ADAM10: variants seen among roughly 807,000 people sequenced by gnomAD.
The protein encoded by ADAM10 is disintegrin and metalloproteinase domain-containing protein 10.
ADAM10 carries 17 observed loss-of-function variants against 90.1 expected under a neutral mutation model. That is an observed-to-expected ratio of 0.19 (90% CI 0.13 to 0.28). The LOEUF (loss-of-function observed/expected upper bound fraction) is 0.28, where lower values mean the gene tolerates loss of function less well. ADAM10 is among the 10% of genes least tolerant of loss of function. The pLI is 1.00. For synonymous variants in ADAM10, 310 were observed against 298.6 expected, an observed-to-expected ratio of 1.04 and a Z score of -0.40; for missense variants, 610 against 914.3, an observed-to-expected ratio of 0.67 and a Z score of 4.29.
In ADAM10 at chr15:58,665,191, G is replaced by A; in HGVS notation, c.491C>T (p.Pro164Leu). ...VIYHEDDINY[P>L]HKYGPQGGCA... ...GCCCCCCTGAGGACCGTATTTATGG[G>A]GATAGTCTAAAATACAAAGAAGAAA... The change falls in exon 5 of 16, where the codon CCC becomes CTC. Residue 164 changes from proline (P) to leucine (L), a missense_variant. Physicochemically the swap from Pro to Leu is moderately conservative, Grantham distance 98 (BLOSUM62 -3). Coordinates refer to ENST00000260408, the MANE Select transcript of ADAM10 (RefSeq NM_001110.4). 1 of 1,607,086 alleles carries A rather than the reference G, an allele frequency of 6.2e-7. No individual in the cohort carries two copies. Among genetic ancestry groups the A allele is most frequent in the Non-Finnish European group, 8.5e-7 (1 of 1,173,862 alleles).
chr15:58,747,657 T>C (rs1321840417), intron 1 of ADAM10: 1 of 152,226 alleles, frequency 6.6e-6, no homozygotes, highest in African/African-American at 2.4e-5. Context: ...ACTTGTCTTA[T>C]GTTTTTTGAA....
At position 58,655,717 on chromosome 15, in the gene ADAM10, A is replaced by ATATATAC. The variant is rs1566982394; in HGVS notation, c.585+9379_585+9380insGTATATA. Reference sequence around the variant, plus strand: ...TATAGTATATATATATATAGTATATATATATATATATATATATATATATTC... The same window carrying ATATATAC: ...TATAGTATATATATATATAGTATATATATATACTATATATATATATATATATATATTC... On this transcript the variant is annotated intron_variant, in intron 5 of 15. Coordinates refer to ENST00000260408, the MANE Select transcript of ADAM10 (RefSeq NM_001110.4). 1.1e-4 allele frequency among the ~76,000 whole-genome samples: 6 copies of ATATATAC among 55,458 alleles called. 1 individual carries two copies. Among genetic ancestry groups the ATATATAC allele is most frequent in the African/African-American group, 2.3e-4 (2 of 8,586 alleles). The allele number at this position is 55,458 out of a possible 152,430, so 36.4% of individuals were successfully genotyped here.
chr15:58,743,180 T>A (rs1899671167), intron 1 of ADAM10, among the ~76,000 whole-genome samples: 1 of 152,154 alleles, frequency 6.6e-6, no homozygotes, highest in South Asian at 2.1e-4. Context: ...CCTGCCCCTG[T>A]GATTTTGGGC....
intron 2 of ADAM10, chr15:58,686,388 C>A: frequency 1.1e-6 from 1 of 944,716 alleles, no homozygotes; most frequent in Non-Finnish European, 1.7e-6. Flanking sequence ...AAGGCTGGGC[C>A]CTCGGAGCCC....
chr15:58,681,898 G>A (rs752029924), intron 3 of ADAM10, among the ~76,000 whole-genome samples: 11 of 151,892 alleles, frequency 7.2e-5, no homozygotes, highest in African/African-American at 2.7e-4. Context: ...TTTCTTACTT[G>A]GAAAATCAGA....
chr15:58,726,546 C>T (rs1198818781), intron 1 of ADAM10, among the ~76,000 whole-genome samples: 2 of 104,428 alleles, frequency 1.9e-5, no homozygotes, highest in South Asian at 7.1e-4. Context: ...GCCTGGGCGA[C>T]AGAGCGAGAC....
intron 1 of ADAM10, among the ~76,000 whole-genome samples, chr15:58,719,386 G>T (rs1375331997): frequency 6.6e-6 from 1 of 151,790 alleles, no homozygotes; most frequent in African/African-American, 2.4e-5. Flanking sequence ...TTTCATGCAG[G>T]AAAGTAAATT....
In ADAM10 at chr15:58,642,461, T is replaced by C. The variant is rs1243341664; in HGVS notation, c.828+1425A>G. Among the ~76,000 whole-genome samples, 7 of 150,356 alleles carry C rather than the reference T, an allele frequency of 4.7e-5. No homozygotes were observed. In the South Asian group the frequency reaches 1.3e-3, roughly 27 times the overall value. On this transcript the variant is annotated intron_variant, in intron 7 of 15. Transcript: ENST00000260408. ...GCCTGGGCGACAGAGTGAGACTCCT[T>C]CTCAAAAAAAAAAAACAAATTGCAT...
At chr15:58,628,929 TC>T (rs1896024708) in intron 9 of ADAM10, among the ~76,000 whole-genome samples, 2 of 152,218 alleles carry the variant, frequency 1.3e-5, no homozygotes, top group South Asian at 4.1e-4. Flanking sequence ...TCACCTTTAT[TC>T]TTCCTGATAC....
Position 58,743,098 on chromosome 15 carries a change from C to A in ADAM10, c.55+6382G>T, listed in dbSNP as rs552059834. Among the ~76,000 whole-genome samples the A allele has an allele frequency of 2.6e-5, 4 of 152,204 alleles. No individual in the cohort carries two copies. The South Asian group carries it at 8.3e-4, about 32-fold the overall frequency. On this transcript the variant is annotated intron_variant, in intron 1 of 15. Coordinates refer to ENST00000260408, the MANE Select transcript of ADAM10 (RefSeq NM_001110.4). Reference sequence around the variant, plus strand: ...AACAACAAAAACCTGGGCCTCTTTACCCCAGCATGTCACATAGAGCTGCCC... The same window carrying A: ...AACAACAAAAACCTGGGCCTCTTTAACCCAGCATGTCACATAGAGCTGCCC...
At chr15:58,602,398 C>G (rs1197453940) in intron 14 of ADAM10, among the ~76,000 whole-genome samples, 3 of 152,108 alleles carry the variant, frequency 2.0e-5, no homozygotes, top group African/African-American at 7.2e-5. Flanking sequence ...GGGTGCAATT[C>G]TCACCCTGCT....
intron 4 of ADAM10, among the ~76,000 whole-genome samples, chr15:58,674,869 G>T (rs764576086): frequency 2.0e-5 from 3 of 152,202 alleles, no homozygotes; most frequent in Non-Finnish European, 4.4e-5. Context: ...ACATTCTAAA[G>T]TAGGGGTGCC....
intron 2 of ADAM10, among the ~76,000 whole-genome samples, chr15:58,701,342 T>C (rs1441809621): frequency 6.6e-6 from 1 of 151,416 alleles, no homozygotes; most frequent in Non-Finnish European, 1.5e-5. Context: ...GATGAAAAAA[T>C]AAAGAAGAAA....
intron 1 of ADAM10, among the ~76,000 whole-genome samples, chr15:58,734,921 G>A (rs1331924933): frequency 6.6e-6 from 1 of 152,030 alleles, no homozygotes; most frequent in African/African-American, 2.4e-5. Context: ...TACTCCACAG[G>A]AGCCCTGACT....
intron 5 of ADAM10, among the ~76,000 whole-genome samples, chr15:58,657,351 T>C (rs551049117): frequency 6.6e-6 from 1 of 152,292 alleles, no homozygotes; most frequent in African/African-American, 2.4e-5. Context: ...GGCTATTTCC[T>C]AGATATTATA....
At chr15:58,749,338 G>C (rs1899900672) in intron 1 of ADAM10, 142 bp downstream of exon 1, 13 of 1,117,882 alleles carry the variant, frequency 1.2e-5, no homozygotes, top group Non-Finnish European at 1.5e-5. Flanking sequence ...ATAGGGAGCG[G>C]GGAGCGCGGC....
chr15:58,742,656 C>A (rs1567021353), intron 1 of ADAM10, among the ~76,000 whole-genome samples: 1 of 152,328 alleles, frequency 6.6e-6, no homozygotes, highest in Non-Finnish European at 1.5e-5. Flanking sequence ...ACTGCCCTTA[C>A]AGGAATCCAA....
intron 5 of ADAM10, among the ~76,000 whole-genome samples, chr15:58,659,397 C>T (rs994634329): frequency 1.3e-5 from 2 of 151,988 alleles, no homozygotes; most frequent in Non-Finnish European, 2.9e-5. Flanking sequence ...AGAAAGCTTC[C>T]TTCTATTTTT....
chr15:58,648,765 C>T (rs1488922062), intron 5 of ADAM10, among the ~76,000 whole-genome samples: 6 of 152,028 alleles, frequency 3.9e-5, no homozygotes, highest in Non-Finnish European at 7.4e-5. Context: ...TATAATATTA[C>T]GGACATACAA....
Sources: gnomAD v4.1 joint callset for allele counts (sites outside exome capture counted in the v4.1 genomes callset) on GRCh38, gnomAD v4.1.1 for gene constraint, MANE v1.5 for transcripts, NCBI Gene and HGNC (gene_info 2026-07-23, HGNC 2026-07-21) for gene names.